Variants in POLR1A observed in about 807,000 individuals in gnomAD.
POLR1A encodes the protein RNA polymerase I subunit A, also known as DNA-directed RNA polymerase I subunit RPA1.
Under a neutral mutation model 205.3 loss-of-function variants are expected in POLR1A, and 84 were observed. The observed-to-expected ratio is 0.41, with a 90% CI of 0.34 to 0.49. The LOEUF (loss-of-function observed/expected upper bound fraction) is 0.49, where lower values mean the gene tolerates loss of function less well. POLR1A is among the 20% of genes least tolerant of loss of function. The probability of loss-of-function intolerance (pLI) is 0.22; values close to 1 mark genes in which losing one functional copy is unlikely to be tolerated. For synonymous variants in POLR1A, 799 were observed against 863.7 expected, an observed-to-expected ratio of 0.93 and a Z score of 1.31; for missense variants, 1,645 against 2,204.5, an observed-to-expected ratio of 0.75 and a Z score of 5.08.
At position 86,038,836 on chromosome 2, in the gene POLR1A, G is replaced by A; in HGVS notation, c.3898C>T (p.Gln1300Ter). 6.2e-7 allele frequency: 1 copy of A among 1,614,080 alleles called. No individual in the cohort carries two copies. The highest frequency in any genetic ancestry group is 8.5e-7 in the Non-Finnish European group (1 of 1,179,974). Residue 1300 changes from glutamine (Q) to a stop codon, truncating the protein, a stop_gained, in exon 27 of 34, where the codon CAG becomes TAG. Transcript: ENST00000263857. LOFTEE classifies it high-confidence loss of function. ...TTTTCTTCCATACAGAAGGACTCCT[G>A]GACGTCAATTTTCTGCAACACCTGG... ...LGEVLQKIDVQESFCMEEKQN... is the reference protein window; with the variant it reads ...LGEVLQKIDV
chr2:86,042,965 CTGCATCACCTCCT>C lies in POLR1A; in HGVS notation c.3353_3357+8del. ...GCTGGACATTAAGGACACCACCTCC[CTGCATCACCTCCT>C]GAGTCCCAGGGCTGCGGCCATTGCG... On this transcript the variant is annotated splice_donor_variant and splice_donor_5th_base_variant and coding_sequence_variant and intron_variant, in exon 23 of 34. Coordinates refer to ENST00000263857, the MANE Select transcript of POLR1A (RefSeq NM_015425.6). LOFTEE classifies it high-confidence loss of function. The C allele has an allele frequency of 1.2e-6, 2 of 1,605,058 alleles. No individual in the cohort carries two copies. The highest frequency in any genetic ancestry group is 4.5e-5 in the East Asian group (2 of 44,824).
Position 86,080,965 on chromosome 2 carries a change from T to C in POLR1A, c.937A>G (p.Ser313Gly), listed in dbSNP as rs770914124. 32 of 1,612,272 alleles carry C rather than the reference T, an allele frequency of 2.0e-5. No homozygotes were observed. Among genetic ancestry groups the C allele is most frequent in the East Asian group, 2.2e-5 (1 of 44,872 alleles). ...VVPPSRYRPV[S>G]RLGDQMFTNG... is the part of the protein sequence containing the mutation. ...GTAAACATCTGGTCTCCTAGGCGAC[T>C]GACTGGGCGATACCTGCAGGGGGAC... is the stretch of plus-strand genomic sequence containing the variant. The change falls in exon 9 of 34, where the codon AGT becomes GGT. Residue 313 changes from serine (S) to glycine (G), a missense_variant. Physicochemically the swap from Ser to Gly is moderately conservative, Grantham distance 56. Around this residue, in one of 16 missense-constraint regions of POLR1A, gnomAD observed 9 missense variants for 30.0 expected, o/e 0.30. Coordinates refer to ENST00000263857, the MANE Select transcript of POLR1A (RefSeq NM_015425.6).
At position 86,050,817 on chromosome 2, in the gene POLR1A, C is replaced by T. The variant is rs953748305; in HGVS notation, c.2393-1575G>A. On this transcript the variant is annotated intron_variant, in intron 16 of 33. Coordinates refer to ENST00000263857, the MANE Select transcript of POLR1A (RefSeq NM_015425.6). ...CATTTCATGAGGTGTAGTCATCATG[C>T]TTCACTTTCTTTGGTTATCCTGGAA... is the stretch of plus-strand genomic sequence containing the variant. Among the ~76,000 whole-genome samples the T allele has an allele frequency of 2.6e-5, 4 of 152,248 alleles. No homozygotes were observed. In the South Asian group the frequency reaches 6.2e-4, roughly 24 times the overall value.
intron 1 of POLR1A, among the ~76,000 whole-genome samples, chr2:86,105,216 C>G (rs1471724045): frequency 6.6e-6 from 1 of 152,122 alleles, no homozygotes; most frequent in Non-Finnish European, 1.5e-5. Context: ...ATGTCAAATG[C>G]TACCTTGATC....
In POLR1A at chr2:86,042,024, C is replaced by T; in HGVS notation, c.3437G>A (p.Ser1146Asn). 6.2e-7 allele frequency: 1 copy of T among 1,614,086 alleles called. No individual in the cohort carries two copies. The highest frequency in any genetic ancestry group is 8.5e-7 in the Non-Finnish European group (1 of 1,180,008). Reference sequence around the variant, plus strand: ...GATGTCAGGACGCCAGACAGACAGACTGGGGTCAGGACAAGCGGCCGCCTT... The same window carrying T: ...GATGTCAGGACGCCAGACAGACAGATTGGGGTCAGGACAAGCGGCCGCCTT... ...QKKAAACPDP[S>N]LSVWRPDIYF... Residue 1146 changes from serine (S) to asparagine (N), a missense_variant, in exon 24 of 34, where the codon AGT (serine) becomes AAT (asparagine). Transcript: ENST00000263857.
At chr2:86,098,838 GTTTC>G (rs1673757793) in intron 2 of POLR1A, 78 bp from the exon 3 acceptor site, 3 of 1,335,748 alleles carry the variant, frequency 2.2e-6, no homozygotes, top group East Asian at 2.4e-5. Context: ...ATACTCACAA[GTTTC>G]TTTATGTAGT....
In POLR1A at chr2:86,070,158, G is replaced by A. The variant is rs765562599; in HGVS notation, c.1726C>T (p.Arg576Trp). The change falls in exon 13 of 34, where the codon CGG (arginine) becomes TGG (tryptophan). Residue 576 changes from arginine (R) to tryptophan (W), a missense_variant. This residue lies in a region of POLR1A where 17 missense variants were observed against 29.4 expected (regional missense o/e 0.58). Transcript: ENST00000263857. The surrounding 1 kb of genome is among the most constrained non-coding windows in gnomAD (Gnocchi z 4.4). ...GCCTTGCAGTTGGCATAGTGGAGCCGCAGCACTTTCTCTTCAGGCAGGATG... is the reference window on the plus strand; with the variant it reads ...GCCTTGCAGTTGGCATAGTGGAGCCACAGCACTTTCTCTTCAGGCAGGATG... ...ARILPEEKVL[R>W]LHYANCKAYN... The A allele has an allele frequency of 5.0e-6, 8 of 1,614,198 alleles. No individual in the cohort carries two copies. The highest frequency in any genetic ancestry group is 5.1e-6 in the Non-Finnish European group (6 of 1,180,022).
chr2:86,045,295 G>A lies in POLR1A; in HGVS notation c.2952C>T (p.Arg984=), dbSNP rs1348704235. ...CATTTTACCTTTGGAGATAGCCTGA[G>A]CGGCTGGTTTTCACAGCAGTGTCCA... ...GLVDTAVKTS[R]SGYLQRCIIK... is the part of the protein sequence containing the mutation. Residue 984 remains arginine (R), a synonymous_variant, in exon 21 of 34, where the codon CGC becomes CGT. Coordinates refer to ENST00000263857, the MANE Select transcript of POLR1A (RefSeq NM_015425.6). The A allele has an allele frequency of 1.2e-6, 2 of 1,612,650 alleles. No homozygotes were observed. Among genetic ancestry groups the A allele is most frequent in the East Asian group, 2.2e-5 (1 of 44,874 alleles).
At chr2:86,096,288 A>G (rs113213896) in intron 3 of POLR1A, among the ~76,000 whole-genome samples, 10 of 152,340 alleles carry the variant, frequency 6.6e-5, no homozygotes, top group African/African-American at 2.4e-4. Context: ...GAGGATACAA[A>G]TGGAAAAACA....
intron 24 of POLR1A, 123 bp downstream of exon 24, chr2:86,041,766 T>G: frequency 1.3e-6 from 1 of 796,578 alleles, no homozygotes. Flanking sequence ...CTGCCCTCCC[T>G]CTAGCTGAAG....
At chr2:86,061,995 C>G (rs751831274) in intron 14 of POLR1A, among the ~76,000 whole-genome samples, 5 of 152,126 alleles carry the variant, frequency 3.3e-5, no homozygotes, top group Non-Finnish European at 7.4e-5. Flanking sequence ...TTTGCATGCT[C>G]TTTGAACAAA....
At chr2:86,099,926 C>T (rs750476116) in intron 2 of POLR1A, 42 bp downstream of exon 2, 65 of 1,554,874 alleles carry the variant, frequency 4.2e-5, no homozygotes, top group Non-Finnish European at 5.4e-5. Flanking sequence ...TCACAAATCC[C>T]ACCAGCAGCC....
rs1326901847 is a variant in POLR1A, at chr2:86,021,583, T to G, written c.*5840A>C. ...CAAGGCATGGTCCTATAGGGGACAG[T>G]GTGCATGTGCATATGAAGCCTGCTG... is the stretch of plus-strand genomic sequence containing the variant. On this transcript the variant is annotated 3_prime_UTR_variant, in exon 34 of 34. Transcript: ENST00000263857. 6.6e-6 allele frequency: 1 copy of G among 152,434 alleles called. No individual in the cohort carries two copies. Among genetic ancestry groups the G allele is most frequent in the Admixed American group, 6.5e-5 (1 of 15,282 alleles). The allele number at this position is 152,434 out of a possible 1,614,324, so 9.4% of individuals were successfully genotyped here. A position where few individuals can be genotyped will look rare whatever the true frequency, so the allele number is the denominator to read the frequency against.
In POLR1A at chr2:86,066,032, T is replaced by A. The variant is rs1256803871; in HGVS notation, c.1867-567A>T. On this transcript the variant is annotated intron_variant, in intron 13 of 33. Transcript: ENST00000263857. ...GACAGTAAACAAATGATTGGATAAA[T>A]ACAATATCACAAAGTGTTTTAAATG... Among the ~76,000 whole-genome samples the A allele has an allele frequency of 3.3e-5, 5 of 152,184 alleles. No homozygotes were observed. In the East Asian group the frequency reaches 9.6e-4, roughly 29 times the overall value.
chr2:86,035,343 T>C (rs1672475846), intron 27 of POLR1A, among the ~76,000 whole-genome samples: 1 of 152,102 alleles, frequency 6.6e-6, no homozygotes, highest in Non-Finnish European at 1.5e-5. Flanking sequence ...ACAATCCCAC[T>C]GGAAAGAGGG....
At chr2:86,105,661 A>C (rs752040902) in intron 1 of POLR1A, 39 bp downstream of exon 1, 1 of 1,449,758 alleles carries the variant, frequency 6.9e-7, no homozygotes, top group Non-Finnish European at 9.7e-7. Context: ...CGCCGACCTC[A>C]AGATCCAGGC....
At chr2:86,037,096 T>C (rs1270793360) in intron 27 of POLR1A, 1 of 152,364 alleles carries the variant, frequency 6.6e-6, no homozygotes, top group Non-Finnish European at 1.5e-5. Context: ...AGAAAACCAC[T>C]GCCAGGCCAG....
chr2:86,041,350 G>GGTGT (rs145985805), intron 24 of POLR1A, among the ~76,000 whole-genome samples: 4 of 129,946 alleles, frequency 3.1e-5, no homozygotes, highest in East Asian at 5.0e-4. Context: ...AAAGCTCAAA[G>GGTGT]GTGTGTGTGT....
At chr2:86,035,151 G>A (rs1672471228) in intron 27 of POLR1A, among the ~76,000 whole-genome samples, 1 of 152,198 alleles carries the variant, frequency 6.6e-6, no homozygotes, top group Non-Finnish European at 1.5e-5. Flanking sequence ...AATTACAAGG[G>A]TAAGCCACTG....
Sources: allele counts gnomAD v4.1 joint callset (sites outside exome capture counted in the v4.1 genomes callset), GRCh38; gene constraint gnomAD v4.1.1; regional missense constraint gnomAD v4.1.1; non-coding constraint Gnocchi (gnomAD v3.1); transcripts MANE v1.5; gene names NCBI Gene and HGNC (gene_info 2026-07-23, HGNC 2026-07-21).